Variants in DNM3 observed in about 807,000 individuals in gnomAD.
DNM3 encodes the protein dynamin 3, also known as dynamin-3.
DNM3 carries 47 observed loss-of-function variants against 101.6 expected under a neutral mutation model. That is an observed-to-expected ratio of 0.46 (90% CI 0.37 to 0.59). The LOEUF (loss-of-function observed/expected upper bound fraction) is 0.59. DNM3 is among the 20% of genes least tolerant of loss of function. The pLI, the probability that DNM3 is intolerant of heterozygous loss-of-function variation, is 0.00. For missense variants in DNM3, 849 were observed against 1,085.7 expected (o/e 0.78, Z 3.06); for synonymous variants, 385 against 387.9 (o/e 0.99, Z 0.09).
At chr1:172,356,252 TA>T (rs1407894407) in intron 17 of DNM3, among the ~76,000 whole-genome samples, 2 of 152,094 alleles carry the variant, frequency 1.3e-5, no homozygotes, top group African/African-American at 4.8e-5. Flanking sequence ...GGTAAACATT[TA>T]GGTAAATCTA....
chr1:172,256,175 A>G (rs140600883), intron 15 of DNM3, among the ~76,000 whole-genome samples: 183 of 152,126 alleles, frequency 1.2e-3, no homozygotes, highest in African/African-American at 4.4e-3. Context: ...TTTCCTTTTT[A>G]TATTATTTCT....
At position 171,893,264 on chromosome 1, in the gene DNM3, A is replaced by G. The variant is rs183805452; in HGVS notation, c.162-28484A>G. ...ACTAAGGTTTACTTTTTGTGCTGTAAAGTTTCATAGGTTTTGACAATGCCT... is the reference window on the plus strand; with the variant it reads ...ACTAAGGTTTACTTTTTGTGCTGTAGAGTTTCATAGGTTTTGACAATGCCT... On this transcript the variant is annotated intron_variant, in intron 1 of 20. Transcript: ENST00000627582. Among the ~76,000 whole-genome samples the G allele has an allele frequency of 9.9e-5, 15 of 152,218 alleles. No individual in the cohort carries two copies. In the East Asian group the frequency reaches 1.9e-3, roughly 20 times the overall value.
chr1:172,104,455 T>C (rs926669768), intron 13 of DNM3, among the ~76,000 whole-genome samples: 3 of 152,120 alleles, frequency 2.0e-5, no homozygotes, highest in Non-Finnish European at 2.9e-5. Context: ...TATTGACCAC[T>C]AGTATCTTCT....
At chr1:172,193,590 A>T (rs2059824171) in intron 14 of DNM3, among the ~76,000 whole-genome samples, 1 of 151,990 alleles carries the variant, frequency 6.6e-6, no homozygotes, top group Non-Finnish European at 1.5e-5. Context: ...TAGTCTTGGG[A>T]GGGTGTATGT....
chr1:172,093,349 T>G (rs565829054), intron 13 of DNM3, among the ~76,000 whole-genome samples: 1 of 152,332 alleles, frequency 6.6e-6, no homozygotes, highest in East Asian at 1.9e-4. Flanking sequence ...TGTTGGTTAA[T>G]GAAGATGTTA....
Position 171,974,868 on chromosome 1 carries a change from GT to G in DNM3, c.236-12777del, listed in dbSNP as rs61313560. On this transcript the variant is annotated intron_variant, in intron 2 of 20. Coordinates refer to ENST00000627582, the MANE Select transcript of DNM3 (RefSeq NM_015569.5). ...CTTCTCCCCCTCTTCTTCTTCTACT[GT>G]TTTTTTTTTTGAGTTGGGGTCTTGG... is the stretch of plus-strand genomic sequence containing the variant. 2.3e-4 allele frequency among the ~76,000 whole-genome samples: 34 copies of G among 145,056 alleles called. 1 individual carries two copies. Among genetic ancestry groups the G allele is most frequent in the East Asian group, 4.0e-4 (2 of 4,944 alleles).
chr1:172,408,787 T>C lies in DNM3; in HGVS notation c.*946T>C. The C allele has an allele frequency of 1.0e-6, 1 of 985,298 alleles. No individual in the cohort carries two copies. The highest frequency in any genetic ancestry group is 1.7e-5 in the African/African-American group (1 of 57,350). The allele number at this position is 985,298 out of a possible 1,614,324, so 61.0% of individuals were successfully genotyped here. On this transcript the variant is annotated 3_prime_UTR_variant, in exon 21 of 21. Coordinates refer to ENST00000627582, the MANE Select transcript of DNM3 (RefSeq NM_015569.5). The stretch of plus-strand genomic sequence containing the variant: ...CTCTTTACGTGCTAATTTGTAATCT[T>C]GTTTTGTAAGAATTTATCCTACCCT...
intron 2 of DNM3, among the ~76,000 whole-genome samples, chr1:171,949,281 C>A (rs1185766659): frequency 6.6e-6 from 1 of 152,102 alleles, no homozygotes; most frequent in Non-Finnish European, 1.5e-5. Context: ...GATCAAGAAT[C>A]CACCAAGGGT....
chr1:172,288,106 A>G (rs1164429516), intron 15 of DNM3, among the ~76,000 whole-genome samples: 2 of 152,220 alleles, frequency 1.3e-5, no homozygotes, highest in Non-Finnish European at 2.9e-5. Context: ...TTAGGTTCTA[A>G]GAGGAACATG....
intron 1 of DNM3, among the ~76,000 whole-genome samples, chr1:171,903,065 G>A (rs561866193): frequency 6.6e-6 from 1 of 152,100 alleles, no homozygotes; most frequent in African/African-American, 2.4e-5. Flanking sequence ...TGGGGTGGGA[G>A]GATTGCTTGA....
chr1:171,963,861 C>T (rs1326514471), intron 2 of DNM3, among the ~76,000 whole-genome samples: 2 of 151,678 alleles, frequency 1.3e-5, no homozygotes, highest in South Asian at 2.1e-4. Context: ...AATTCCAAGC[C>T]CCCCATCCAC....
intron 17 of DNM3, among the ~76,000 whole-genome samples, chr1:172,333,138 T>C (rs1272685404): frequency 6.6e-6 from 1 of 152,178 alleles, no homozygotes; most frequent in Admixed American, 6.6e-5. Context: ...TATATGAGCA[T>C]ATAAACAAGC....
chr1:171,842,540 G>A (rs899860917), intron 1 of DNM3, among the ~76,000 whole-genome samples: 1 of 152,204 alleles, frequency 6.6e-6, no homozygotes, highest in Admixed American at 6.5e-5. Flanking sequence ...CCGAGGCACA[G>A]ACTTGGCAGG....
chr1:172,012,313 G>T (rs1014919315), intron 4 of DNM3, among the ~76,000 whole-genome samples: 1 of 151,988 alleles, frequency 6.6e-6, no homozygotes, highest in Non-Finnish European at 1.5e-5. Context: ...GCACATGTGG[G>T]AAGTTATATG....
At chr1:171,854,090 G>A (rs115759283) in intron 1 of DNM3, among the ~76,000 whole-genome samples, 2,399 of 152,048 alleles carry the variant, frequency 0.016, 31 homozygotes, top group Non-Finnish European at 0.027. Flanking sequence ...CACTGTTTTG[G>A]GATGGAAAAA....
chr1:172,286,947 C>T (rs1318668476), intron 15 of DNM3, among the ~76,000 whole-genome samples: 3 of 152,188 alleles, frequency 2.0e-5, no homozygotes, highest in African/African-American at 7.2e-5. Flanking sequence ...GCTGAGCAAC[C>T]ACAGACCTCT....
At chr1:172,145,957 TTCTGAATATGTAGTTC>T (rs1244665448) in intron 14 of DNM3, among the ~76,000 whole-genome samples, 2 of 152,138 alleles carry the variant, frequency 1.3e-5, no homozygotes. Flanking sequence ...CTCTTGAATA[TTCTGAATATGTAGTTC>T]TCTCACTTTC....
intron 15 of DNM3, among the ~76,000 whole-genome samples, chr1:172,300,549 A>G (rs2064394483): frequency 6.6e-6 from 1 of 152,210 alleles, no homozygotes; most frequent in South Asian, 2.1e-4. Context: ...GTTGACAAAA[A>G]TAAGCAATGG....
intron 2 of DNM3, among the ~76,000 whole-genome samples, chr1:171,953,562 G>A (rs1273225775): frequency 6.6e-6 from 1 of 151,750 alleles, no homozygotes; most frequent in Non-Finnish European, 1.5e-5. Context: ...CGAGTAGCTG[G>A]GATTACAGGC....
Sources: gnomAD v4.1 joint callset for allele counts (sites outside exome capture counted in the v4.1 genomes callset) on GRCh38, gnomAD v4.1.1 for gene constraint, MANE v1.5 for transcripts, NCBI Gene and HGNC (gene_info 2026-07-23, HGNC 2026-07-21) for gene names.